Variants in WT1 observed in about 807,000 individuals in gnomAD.
WT1 encodes the protein WT1 transcription factor, also known as Wilms tumor protein.
Under a neutral mutation model 60.8 loss-of-function variants are expected in WT1, and 8 were observed. The ratio of observed to expected loss-of-function variants is 0.13; its 90% CI spans 0.08 to 0.24. The LOEUF is 0.24. WT1 is among the 10% of genes least tolerant of loss of function. The probability of loss-of-function intolerance (pLI) is 1.00; values close to 1 mark genes in which losing one functional copy is unlikely to be tolerated. For synonymous variants in WT1, 312 were observed against 297.1 expected, an observed-to-expected ratio of 1.05 and a Z score of -0.52; for missense variants, 568 against 711.8, an observed-to-expected ratio of 0.80 and a Z score of 2.30.
intron 3 of WT1, among the ~76,000 whole-genome samples, chr11:32,426,209 C>T (rs1284690736): frequency 6.6e-6 from 1 of 152,162 alleles, no homozygotes; most frequent in Non-Finnish European, 1.5e-5. Flanking sequence ...TGCCCACTCC[C>T]GCATCAAGGT....
intron 9 of WT1, among the ~76,000 whole-genome samples, chr11:32,389,655 C>T (rs1851758575): frequency 6.6e-6 from 1 of 152,110 alleles, no homozygotes; most frequent in Admixed American, 6.5e-5. Context: ...AAGCTTTTAA[C>T]ACTTCTATCT....
chr11:32,394,447 A>T (rs914049924), intron 7 of WT1, among the ~76,000 whole-genome samples: 3 of 152,152 alleles, frequency 2.0e-5, no homozygotes, highest in African/African-American at 7.2e-5. Flanking sequence ...GATTTAGTAC[A>T]TGATCATGTA....
chr11:32,395,466 C>A (rs1851937330), intron 7 of WT1, among the ~76,000 whole-genome samples: 1 of 151,668 alleles, frequency 6.6e-6, no homozygotes, highest in African/African-American at 2.4e-5. Flanking sequence ...AAATCATCAT[C>A]TCTCTCTCTC....
chr11:32,400,187 C>G (rs1248849643), intron 5 of WT1, 143 bp from the exon 6 acceptor site: 2 of 962,736 alleles, frequency 2.1e-6, no homozygotes, highest in Non-Finnish European at 1.6e-6. Context: ...CATGGGGCCA[C>G]TTTAGATGCA....
chr11:32,404,022 C>G (rs533159871), intron 5 of WT1, among the ~76,000 whole-genome samples: 11 of 152,132 alleles, frequency 7.2e-5, no homozygotes, highest in Admixed American at 2.0e-4. Flanking sequence ...GCCTGTAATC[C>G]CAGCACTTTG....
rs1564975924 is a variant in WT1 at position 32,400,055 on chromosome 11, A to G, written c.1017-11T>C. 1 of 1,614,072 alleles carries G rather than the reference A, an allele frequency of 6.2e-7. No homozygotes were observed. The highest frequency in any genetic ancestry group is 2.2e-5 in the East Asian group (1 of 44,874). ...TACCCTGTGCTGTGGCTGCAAACAC[A>G]AAGAAGGGAAAAAGGCTCAGTGTGG... On this transcript the variant is annotated splice_polypyrimidine_tract_variant and intron_variant, in intron 5 of 9. Coordinates refer to ENST00000452863, the MANE Select transcript of WT1 (RefSeq NM_024426.6).
Position 32,435,242 on chromosome 11 carries a change from T to G in WT1, c.119A>C (p.Asp40Ala), listed in dbSNP as rs2133107085. Residue 40 changes from aspartate to alanine, a missense_variant, in exon 1 of 10, where the codon GAC becomes GCC. Physicochemically the swap from Asp to Ala is moderately radical, Grantham distance 126. This residue lies in a region of WT1 where 523 missense variants were observed against 565.1 expected (regional missense o/e 0.93). Transcript: ENST00000452863. Reference sequence around the variant, plus strand: ...TAACTTGGCCCAGATGCCGCCCGGGTCCCGGACTCCCTGCTGCTCTGGCTG... The same window carrying G: ...TAACTTGGCCCAGATGCCGCCCGGGGCCCGGACTCCCTGCTGCTCTGGCTG... 1.3e-6 allele frequency: 2 copies of G among 1,535,676 alleles called. No individual in the cohort carries two copies. The highest frequency in any genetic ancestry group is 1.7e-6 in the Non-Finnish European group (2 of 1,147,304).
At chr11:32,418,945 T>G (rs1323677561) in intron 3 of WT1, among the ~76,000 whole-genome samples, 1 of 152,198 alleles carries the variant, frequency 6.6e-6, no homozygotes, top group East Asian at 1.9e-4. Flanking sequence ...AAAAGTGAAG[T>G]GACTTCAAAC....
intron 8 of WT1, among the ~76,000 whole-genome samples, chr11:32,392,381 G>A (rs1378352117): frequency 2.0e-5 from 3 of 152,166 alleles, no homozygotes; most frequent in African/African-American, 2.4e-5. Context: ...ATTGGATTCC[G>A]CTCTCCATCA....
chr11:32,426,778 G>A (rs1023395305), intron 3 of WT1, among the ~76,000 whole-genome samples: 6 of 152,232 alleles, frequency 3.9e-5, no homozygotes, highest in South Asian at 4.1e-4. Context: ...AAACTCCCGG[G>A]AAGGAGAACC....
chr11:32,430,318 C>A (rs1378238011), intron 1 of WT1, among the ~76,000 whole-genome samples: 1 of 151,966 alleles, frequency 6.6e-6, no homozygotes, highest in Non-Finnish European at 1.5e-5. Flanking sequence ...TTCTTTGAGG[C>A]CTATAGATGA....
In WT1 at chr11:32,428,614, T is replaced by A; in HGVS notation, c.667A>T (p.Ser223Cys). ...GGCGTCCCGTCGAAGGTGACCGTGC[T>A]GTAACCTGCGGGAGCGGCGGAGAGA... The change falls in exon 2 of 10, where the codon AGC becomes TGC. Residue 223 changes from serine to cysteine, a missense_variant. This residue lies in a region of WT1 where 523 missense variants were observed against 565.1 expected (regional missense o/e 0.93). Coordinates refer to ENST00000452863, the MANE Select transcript of WT1 (RefSeq NM_024426.6). 6.2e-7 allele frequency: 1 copy of A among 1,613,240 alleles called. No homozygotes were observed. Among genetic ancestry groups the A allele is most frequent in the Middle Eastern group, 1.6e-4 (1 of 6,062 alleles).
intron 3 of WT1, among the ~76,000 whole-genome samples, chr11:32,419,940 C>T (rs1252073363): frequency 3.3e-5 from 5 of 152,154 alleles, no homozygotes; most frequent in African/African-American, 9.7e-5. Context: ...GTGATCCACC[C>T]GCCTCAGCCT....
intron 1 of WT1, among the ~76,000 whole-genome samples, chr11:32,431,068 C>T (rs933709759): frequency 6.6e-6 from 1 of 152,176 alleles, no homozygotes; most frequent in African/African-American, 2.4e-5. Flanking sequence ...GGAGCGCAAC[C>T]TTGACCGTGC....
chr11:32,405,551 A>T (rs537868184), intron 5 of WT1, among the ~76,000 whole-genome samples: 1 of 150,142 alleles, frequency 6.7e-6, no homozygotes, highest in South Asian at 2.1e-4. Flanking sequence ...TACAGAATAT[A>T]TACTTATACA....
chr11:32,428,678 G>A lies in WT1; in HGVS notation c.662-59C>T. The A allele has an allele frequency of 3.2e-6, 5 of 1,584,306 alleles. No individual in the cohort carries two copies. In the South Asian group the frequency reaches 3.4e-5, roughly 11 times the overall value. On this transcript the variant is annotated intron_variant, in intron 1 of 9. Transcript: ENST00000452863. ...CGGTGCTCTCGCAAGACGGGGCAGT[G>A]GGTCTGAACCAGCCACGGGCGGGGG... is the stretch of plus-strand genomic sequence containing the variant.
At chr11:32,405,596 G>T (rs1410304940) in intron 5 of WT1, among the ~76,000 whole-genome samples, 2 of 149,574 alleles carry the variant, frequency 1.3e-5, no homozygotes, top group Admixed American at 6.7e-5. Flanking sequence ...TAGAACCCTA[G>T]GAGTCATTCA....
Position 32,416,594 on chromosome 11 carries a change from A to T in WT1, c.966-54T>A, listed in dbSNP as rs1052835690. On this transcript the variant is annotated intron_variant, in intron 4 of 9. Transcript: ENST00000452863. ...GGAATGGAGCATGCATGGATCTGGC[A>T]AGCCCCCCAGATCCCAGAATCCAGT... is the stretch of plus-strand genomic sequence containing the variant. The T allele has an allele frequency of 3.1e-6, 5 of 1,603,634 alleles. No homozygotes were observed. In the African/African-American group the frequency reaches 5.4e-5, roughly 17 times the overall value.
chr11:32,389,242 C>T, intron 9 of WT1, 63 bp from the exon 10 acceptor site: 2 of 1,612,768 alleles, frequency 1.2e-6, no homozygotes, highest in Non-Finnish European at 1.7e-6. Flanking sequence ...GTTCAACTAT[C>T]AAGGCCCGAG....
Sources: allele counts gnomAD v4.1 joint callset (sites outside exome capture counted in the v4.1 genomes callset), GRCh38; gene constraint gnomAD v4.1.1; regional missense constraint gnomAD v4.1.1; transcripts MANE v1.5; gene names NCBI Gene and HGNC (gene_info 2026-07-23, HGNC 2026-07-21).